Variants in EPB41L3 observed in about 807,000 individuals in gnomAD.
EPB41L3 encodes the protein erythrocyte membrane protein band 4.1 like 3.
A neutral mutation model predicts 127.1 loss-of-function variants in EPB41L3; 57 were observed. The ratio of observed to expected loss-of-function variants is 0.45; its 90% CI spans 0.36 to 0.56. The LOEUF is 0.56. Ranked by LOEUF, EPB41L3 falls within the 20% of genes least tolerant of loss-of-function variation. The probability of loss-of-function intolerance (pLI) is 0.00; values close to 1 mark genes in which losing one functional copy is unlikely to be tolerated. For missense variants in EPB41L3, 1,273 were observed against 1,372.2 expected, an observed-to-expected ratio of 0.93 and a Z score of 1.14; for synonymous variants, 572 against 549.5, an observed-to-expected ratio of 1.04 and a Z score of -0.57.
At chr18:5,478,615 A>G (rs1283191884) in intron 2 of EPB41L3, among the ~76,000 whole-genome samples, 177 bp from the exon 3 acceptor site, 3 of 152,260 alleles carry the variant, frequency 2.0e-5, no homozygotes, top group Non-Finnish European at 4.4e-5. Flanking sequence ...ACTGTTTGCC[A>G]TTTAAATGTA....
chr18:5,449,166 G>C (rs919757273), intron 3 of EPB41L3, among the ~76,000 whole-genome samples: 3 of 151,920 alleles, frequency 2.0e-5, no homozygotes, highest in African/African-American at 7.3e-5. Flanking sequence ...ATTTAAAAAT[G>C]GGCAAAATAT....
intron 8 of EPB41L3, among the ~76,000 whole-genome samples, chr18:5,431,591 C>T (rs1356743117): frequency 1.3e-5 from 2 of 152,156 alleles, no homozygotes; most frequent in Non-Finnish European, 2.9e-5. Flanking sequence ...CTGATAGAAA[C>T]ACTGATACAT....
chr18:5,436,611 T>C (rs2079871804), intron 6 of EPB41L3, among the ~76,000 whole-genome samples: 1 of 152,010 alleles, frequency 6.6e-6, no homozygotes, highest in Non-Finnish European at 1.5e-5. Context: ...GGTTTCACCG[T>C]GTTAGCCAGG....
chr18:5,457,846 C>A (rs2083360114), intron 3 of EPB41L3, among the ~76,000 whole-genome samples: 1 of 152,132 alleles, frequency 6.6e-6, no homozygotes, highest in South Asian at 2.1e-4. Flanking sequence ...AGGATTCCAC[C>A]CCTGAACTGC....
At chr18:5,626,152 C>G (rs564536261) in intron 1 of EPB41L3, among the ~76,000 whole-genome samples, 1 of 152,248 alleles carries the variant, frequency 6.6e-6, no homozygotes, top group East Asian at 1.9e-4. Flanking sequence ...TCCCACAGTC[C>G]CACTGGAACA....
intron 6 of EPB41L3, among the ~76,000 whole-genome samples, chr18:5,435,345 C>T (rs2079609118): frequency 6.6e-6 from 1 of 152,184 alleles, no homozygotes; most frequent in Non-Finnish European, 1.5e-5. Flanking sequence ...ACTCTTCACT[C>T]ACTCACTGAC....
rs1241125183 is a variant in EPB41L3 at position 5,578,398 on chromosome 18, G to GATGC, written c.-306+33938_-306+33941dup. Among the ~76,000 whole-genome samples, 3 of 152,338 alleles carry GATGC rather than the reference G, an allele frequency of 2.0e-5. No homozygotes were observed. In the East Asian group the frequency reaches 5.8e-4, roughly 29 times the overall value. On this transcript the variant is annotated intron_variant, in intron 3 of 21. Coordinates refer to the EPB41L3 transcript ENST00000545076. ...AATGTGGAATTCTTCTTTAATGCATGATGCCTCTTAAAATGTTTGTTATTC... is the reference window on the plus strand; with the variant it reads ...AATGTGGAATTCTTCTTTAATGCATGATGCATGCCTCTTAAAATGTTTGTTATTC...
intron 3 of EPB41L3, among the ~76,000 whole-genome samples, chr18:5,604,254 CT>C (rs34050346): frequency 6.7e-5 from 10 of 148,176 alleles, no homozygotes; most frequent in South Asian, 4.3e-4. Context: ...TTGACTTACT[CT>C]TTTTTTTTTA....
intron 5 of EPB41L3, among the ~76,000 whole-genome samples, chr18:5,441,547 G>T (rs1423745052): frequency 6.6e-6 from 1 of 150,564 alleles, no homozygotes; most frequent in Non-Finnish European, 1.5e-5. Context: ...CTCACTGCAA[G>T]CTCCGCCTCC....
intron 3 of EPB41L3, among the ~76,000 whole-genome samples, chr18:5,477,192 G>A (rs2087416430): frequency 6.6e-6 from 1 of 152,218 alleles, no homozygotes; most frequent in Non-Finnish European, 1.5e-5. Context: ...GGGGTTGGGA[G>A]ACAGAGGAAG....
chr18:5,467,365 AG>A (rs1375229496), intron 3 of EPB41L3: 1 of 141,654 alleles, frequency 7.1e-6, no homozygotes, highest in Non-Finnish European at 1.6e-5. Context: ...AGAAAACTTA[AG>A]GGGATGATAC....
chr18:5,511,391 G>GGTTTTTT (rs2092505833), intron 1 of EPB41L3, among the ~76,000 whole-genome samples: 2 of 59,796 alleles, frequency 3.3e-5, no homozygotes, highest in African/African-American at 1.4e-4. Flanking sequence ...AGGTATTTTG[G>GGTTTTTT]TTTTTTTTTT....
At chr18:5,613,269 T>C (rs773932830) in intron 2 of EPB41L3, among the ~76,000 whole-genome samples, 6 of 152,172 alleles carry the variant, frequency 3.9e-5, no homozygotes, top group African/African-American at 9.7e-5. Flanking sequence ...GGCTTTTTTA[T>C]AGAGTTACAG....
At chr18:5,528,598 TTTTC>T (rs1163868398) in intron 1 of EPB41L3, among the ~76,000 whole-genome samples, 7 of 152,116 alleles carry the variant, frequency 4.6e-5, no homozygotes, top group African/African-American at 1.7e-4. Context: ...CACTAGCTTC[TTTTC>T]TTTGTTTTTT....
At position 5,539,011 on chromosome 18, in the gene EPB41L3, T is replaced by TTTTTTA. The variant is rs1336948206; in HGVS notation, c.-12+4901_-12+4902insTAAAAA. Among the ~76,000 whole-genome samples, 4 of 151,530 alleles carry TTTTTTA rather than the reference T, an allele frequency of 2.6e-5. No individual in the cohort carries two copies. In the East Asian group the frequency reaches 7.8e-4, roughly 29 times the overall value. On this transcript the variant is annotated intron_variant, in intron 1 of 22. Transcript: ENST00000341928. ...TTCTCCAAGATTTTTTTTTTTTTTT[T>TTTTTTA]TTTTTTTGGTAGTAAAGCGTAAGTT...
chr18:5,489,179 G>C lies in EPB41L3; in HGVS notation c.5C>G (p.Thr2Arg), dbSNP rs1444108809. The C allele has an allele frequency of 6.3e-7, 1 of 1,593,390 alleles. No homozygotes were observed. Among genetic ancestry groups the C allele is most frequent in the Non-Finnish European group, 8.5e-7 (1 of 1,174,040 alleles). M[T>R]TESGSDSESK... ...TTCCGAGTCTGATCCAGATTCGGTC[G>C]TCATGGTTGATTGTTCTGCAAGCAG... The change falls in exon 2 of 23, where the codon ACG becomes AGG. Residue 2 changes from threonine (T) to arginine (R), a missense_variant. Physicochemically the swap from Thr to Arg is moderately conservative, Grantham distance 71. Transcript: ENST00000341928.
intron 1 of EPB41L3, among the ~76,000 whole-genome samples, chr18:5,490,727 T>C (rs2148330349): frequency 6.6e-6 from 1 of 152,296 alleles, no homozygotes; most frequent in Middle Eastern, 3.4e-3. Flanking sequence ...TTTTGTATGC[T>C]TATCCTGGAA....
chr18:5,479,420 A>T (rs1490510901), intron 2 of EPB41L3, among the ~76,000 whole-genome samples: 1 of 152,246 alleles, frequency 6.6e-6, no homozygotes, highest in Non-Finnish European at 1.5e-5. Flanking sequence ...CAGGGGCTCG[A>T]AAAGTAAAAA....
chr18:5,608,031 C>T (rs1202227460), intron 3 of EPB41L3, among the ~76,000 whole-genome samples: 1 of 152,142 alleles, frequency 6.6e-6, no homozygotes, highest in African/African-American at 2.4e-5. Context: ...TGCTCAGTGG[C>T]CTCTGGCAGG....
Sources: allele counts gnomAD v4.1 joint callset (sites outside exome capture counted in the v4.1 genomes callset), GRCh38; gene constraint gnomAD v4.1.1; transcripts MANE v1.5; gene names NCBI Gene and HGNC (gene_info 2026-07-23, HGNC 2026-07-21).